SLC37A3: variants seen among roughly 807,000 people sequenced by gnomAD.
The protein encoded by SLC37A3 is solute carrier family 37 member 3, also known as sugar phosphate exchanger 3.
A neutral mutation model predicts 67.1 loss-of-function variants in SLC37A3; 51 were observed. That is an observed-to-expected ratio of 0.76 (90% CI 0.61 to 0.96). SLC37A3 has a LOEUF of 0.96. Ranked by LOEUF, SLC37A3 falls within the 40% of genes least tolerant of loss-of-function variation. The pLI is 0.00. For missense variants in SLC37A3, 508 were observed against 603.0 expected, an observed-to-expected ratio of 0.84 and a Z score of 1.65; for synonymous variants, 214 against 231.4, an observed-to-expected ratio of 0.92 and a Z score of 0.68.
chr7:140,359,988 T>G (rs751855792), intron 5 of SLC37A3, among the ~76,000 whole-genome samples: 9 of 152,192 alleles, frequency 5.9e-5, no homozygotes, highest in Non-Finnish European at 1.2e-4. Flanking sequence ...ATAAATAAAG[T>G]GCTTCCATCT....
chr7:140,375,453 C>T (rs1455169542), intron 3 of SLC37A3, among the ~76,000 whole-genome samples: 5 of 146,154 alleles, frequency 3.4e-5, no homozygotes, highest in African/African-American at 5.1e-5. Context: ...CCAGCCTGAG[C>T]GACATAGCAA....
chr7:140,373,717 C>G (rs569126130), intron 3 of SLC37A3, among the ~76,000 whole-genome samples: 30 of 149,284 alleles, frequency 2.0e-4, no homozygotes, highest in Admixed American at 1.5e-3. Context: ...TTATGTCACC[C>G]AGGCTGCTCT....
chr7:140,371,904 T>A (rs960304695), intron 3 of SLC37A3, among the ~76,000 whole-genome samples: 1 of 151,532 alleles, frequency 6.6e-6, no homozygotes, highest in African/African-American at 2.4e-5. Context: ...CAGGCTGGAG[T>A]GCAATGGCAC....
At chr7:140,396,065 G>T (rs546827089) in intron 1 of SLC37A3, among the ~76,000 whole-genome samples, 4 of 151,720 alleles carry the variant, frequency 2.6e-5, no homozygotes, top group Admixed American at 6.6e-5. Flanking sequence ...ACCCAGGCTG[G>T]AGTGCAGTGG....
chr7:140,339,929 G>A, intron 13 of SLC37A3, among the ~76,000 whole-genome samples: 1 of 151,570 alleles, frequency 6.6e-6, no homozygotes, highest in East Asian at 2.0e-4. Context: ...TAGTAGAGAC[G>A]GGGTTTCACC....
chr7:140,383,182 T>G (rs1351854210), intron 1 of SLC37A3, among the ~76,000 whole-genome samples: 2 of 150,188 alleles, frequency 1.3e-5, no homozygotes, highest in African/African-American at 4.9e-5. Flanking sequence ...TACTTTTGAA[T>G]AAGCTTGCTT....
intron 1 of SLC37A3, chr7:140,386,947 T>C (rs1351795270): frequency 2.0e-5 from 3 of 152,150 alleles, no homozygotes; most frequent in African/African-American, 7.2e-5. Flanking sequence ...TCAACCGATA[T>C]TTGTCAGCAA....
At chr7:140,356,819 C>T (rs1219414586) in intron 6 of SLC37A3, among the ~76,000 whole-genome samples, 1 of 152,134 alleles carries the variant, frequency 6.6e-6, no homozygotes, top group East Asian at 1.9e-4. Context: ...ACCAAGCACG[C>T]CAAGTGTTGG....
At chr7:140,382,664 A>C (rs1798303699) in intron 1 of SLC37A3, 68 bp from the exon 2 acceptor site, 1 of 699,826 alleles carries the variant, frequency 1.4e-6, no homozygotes, top group Non-Finnish European at 2.4e-6. Flanking sequence ...TGTATTATTT[A>C]GATTTACAGT....
At chr7:140,349,689 C>A (rs975578039) in intron 9 of SLC37A3, among the ~76,000 whole-genome samples, 1 of 152,164 alleles carries the variant, frequency 6.6e-6, no homozygotes, top group African/African-American at 2.4e-5. Context: ...ATCCCAATCA[C>A]GAGTGCATTC....
At chr7:140,366,026 C>G (rs1797587915) in intron 4 of SLC37A3, among the ~76,000 whole-genome samples, 1 of 132,230 alleles carries the variant, frequency 7.6e-6, no homozygotes, top group South Asian at 2.5e-4. Context: ...CAGCCTCTGT[C>G]TCCTAGGTTC....
chr7:140,394,418 G>T (rs1275793922), intron 1 of SLC37A3, among the ~76,000 whole-genome samples: 1 of 151,882 alleles, frequency 6.6e-6, no homozygotes, highest in Non-Finnish European at 1.5e-5. Context: ...AAGAGTTTAA[G>T]ACCAACCTTG....
At chr7:140,378,166 C>T (rs970914821) in intron 3 of SLC37A3, among the ~76,000 whole-genome samples, 9 of 152,208 alleles carry the variant, frequency 5.9e-5, no homozygotes, top group African/African-American at 1.9e-4. Context: ...ATTGTTCAGG[C>T]TGTACCTGAA....
chr7:140,344,629 G>A (rs565545939), intron 12 of SLC37A3, among the ~76,000 whole-genome samples: 3 of 152,082 alleles, frequency 2.0e-5, no homozygotes, highest in African/African-American at 4.8e-5. Context: ...GGTGGTGCAC[G>A]CCTATATTAC....
rs375130823 is a variant in SLC37A3 at position 140,381,083 on chromosome 7, A to G, written c.90-693T>C. Among the ~76,000 whole-genome samples the G allele has an allele frequency of 1.8e-3, 268 of 151,016 alleles. 2 individuals are homozygous for G. Among genetic ancestry groups the G allele is most frequent in the African/African-American group, 6.3e-3 (261 of 41,264 alleles). ...CAGCTGATTTTTGTATTTTTAGGAG[A>G]GACGGGGTTTCACCATGTTGGCCAG... On this transcript the variant is annotated intron_variant, in intron 2 of 14. Transcript: ENST00000326232.
In SLC37A3 at chr7:140,343,564, C is replaced by T; in HGVS notation, c.1175-1G>A. On this transcript the variant is annotated splice_acceptor_variant, in intron 12 of 14. Coordinates refer to ENST00000326232, the MANE Select transcript of SLC37A3 (RefSeq NM_207113.3). LOFTEE classifies it high-confidence loss of function. The stretch of plus-strand genomic sequence containing the variant: ...TTAGAAGGTCCACCAATAAAAAATC[C>T]TGAAGTCATAAACAGGTTCTTATTA... 6.2e-7 allele frequency: 1 copy of T among 1,614,122 alleles called. No homozygotes were observed. The highest frequency in any genetic ancestry group is 1.6e-4 in the Middle Eastern group (1 of 6,062).
At chr7:140,361,534 C>T (rs1283810725) in intron 5 of SLC37A3, among the ~76,000 whole-genome samples, 40,221 of 77,582 alleles carry the variant, frequency 0.52, 12,122 homozygotes, top group South Asian at 0.58. Flanking sequence ...CCTCCCCCTC[C>T]CTCTCTCCCT....
At chr7:140,377,727 T>C (rs905528593) in intron 3 of SLC37A3, among the ~76,000 whole-genome samples, 1 of 152,252 alleles carries the variant, frequency 6.6e-6, no homozygotes, top group East Asian at 1.9e-4. Context: ...CTTTTAAAAA[T>C]ATATAAGCAA....
At chr7:140,366,241 G>C (rs1041789609) in intron 4 of SLC37A3, among the ~76,000 whole-genome samples, 1 of 151,998 alleles carries the variant, frequency 6.6e-6, no homozygotes, top group Non-Finnish European at 1.5e-5. Context: ...CAATTTATTA[G>C]AAACACCTGG....
Sources: gnomAD v4.1 joint callset for allele counts (sites outside exome capture counted in the v4.1 genomes callset) on GRCh38, gnomAD v4.1.1 for gene constraint, MANE v1.5 for transcripts, NCBI Gene and HGNC (gene_info 2026-07-23, HGNC 2026-07-21) for gene names.